PAQR8: variants seen among roughly 807,000 people sequenced by gnomAD.
The protein encoded by PAQR8 is membrane progestin receptor beta.
Under a neutral mutation model 25.2 loss-of-function variants are expected in PAQR8, and 17 were observed. That is an observed-to-expected ratio of 0.67 (90% CI 0.46 to 1.01). PAQR8 has a LOEUF of 1.01. Among genes scored for constraint, PAQR8 ranks in the 50% least tolerant of loss-of-function variants. PAQR8 has a pLI of 0.00. For synonymous variants in PAQR8, 204 were observed against 190.6 expected (o/e 1.07, Z -0.58); for missense variants, 392 against 448.4 (o/e 0.87, Z 1.14).
In PAQR8 at chr6:52,407,121, A is replaced by G. The variant is rs1326605047; in HGVS notation, c.*2843A>G. The G allele has an allele frequency of 6.0e-6, 1 of 166,970 alleles. No individual in the cohort carries two copies. The highest frequency in any genetic ancestry group is 6.5e-5 in the Admixed American group (1 of 15,282). The allele number at this position is 166,970 out of a possible 1,614,324, so 10.3% of individuals were successfully genotyped here. Reference sequence around the variant, plus strand: ...CTTATTCAACCATAGCCCCTCCAACATATCTACTGGAAATTCTGCTGGTTA... The same window carrying G: ...CTTATTCAACCATAGCCCCTCCAACGTATCTACTGGAAATTCTGCTGGTTA... On this transcript the variant is annotated 3_prime_UTR_variant, in exon 2 of 2. Transcript: ENST00000442253.
chr6:52,388,715 T>C (rs530359748), intron 1 of PAQR8, among the ~76,000 whole-genome samples: 56 of 152,256 alleles, frequency 3.7e-4, no homozygotes, highest in African/African-American at 1.3e-3. Context: ...AAAAATAGAT[T>C]TCTGTTGTTT....
Position 52,403,557 on chromosome 6 carries a change from T to G in PAQR8, c.344T>G (p.Phe115Cys). Residue 115 changes from phenylalanine to cysteine, a missense_variant, in exon 2 of 2, where the codon TTC (phenylalanine) becomes TGC (cysteine). Physicochemically the swap from Phe to Cys is radical, Grantham distance 205. Coordinates refer to ENST00000442253, the MANE Select transcript of PAQR8 (RefSeq NM_133367.5). Reference sequence around the variant, plus strand: ...ACCCACTCCCTGCCTCTGCTCCTCTTCATCCTGTCGTCAATCACTTACCTC... The same window carrying G: ...ACCCACTCCCTGCCTCTGCTCCTCTGCATCCTGTCGTCAATCACTTACCTC... ...ASTHSLPLLL[F>C]ILSSITYLTC... is the part of the protein sequence containing the mutation. The G allele has an allele frequency of 6.2e-7, 1 of 1,614,116 alleles. No individual in the cohort carries two copies. The highest frequency in any genetic ancestry group is 1.1e-5 in the South Asian group (1 of 91,082).
Position 52,391,034 on chromosome 6 carries a change from T to C in PAQR8, c.-52-12128T>C, listed in dbSNP as rs115156914. ...AGTATTTCCAGAAGAAAAGTAAAAT[T>C]CCCCACAATCCCTTCATGGCAATAG... is the stretch of plus-strand genomic sequence containing the variant. On this transcript the variant is annotated intron_variant, in intron 1 of 1. Transcript: ENST00000442253. 8.0e-3 allele frequency among the ~76,000 whole-genome samples: 1,211 copies of C among 152,318 alleles called. 20 individuals are homozygous for C. The highest frequency in any genetic ancestry group is 0.027 in the African/African-American group (1,137 of 41,568).
intron 1 of PAQR8, among the ~76,000 whole-genome samples, chr6:52,398,968 T>A (rs1763800299): frequency 6.6e-6 from 1 of 151,374 alleles, no homozygotes; most frequent in South Asian, 2.1e-4. Context: ...ATCCCTGGAC[T>A]CTCAGGTTCC....
rs188585416 is a variant in PAQR8, at chr6:52,365,907, A to C, written c.-53+3658A>C. Reference sequence around the variant, plus strand: ...TATAACAGTTTGGTGTGGTAAGGCAAATCTGAAAGAAAAAAGTTTAAAAGC... The same window carrying C: ...TATAACAGTTTGGTGTGGTAAGGCACATCTGAAAGAAAAAAGTTTAAAAGC... On this transcript the variant is annotated intron_variant, in intron 1 of 1. Coordinates refer to ENST00000442253, the MANE Select transcript of PAQR8 (RefSeq NM_133367.5). 7.7e-4 allele frequency among the ~76,000 whole-genome samples: 117 copies of C among 152,312 alleles called. 1 individual carries two copies. Among genetic ancestry groups the C allele is most frequent in the Non-Finnish European group, 1.3e-3 (89 of 68,032 alleles).
At chr6:52,367,852 T>G (rs1464532831) in intron 1 of PAQR8, among the ~76,000 whole-genome samples, 1 of 152,232 alleles carries the variant, frequency 6.6e-6, no homozygotes, top group Non-Finnish European at 1.5e-5. Context: ...CTGAAGGCTC[T>G]TCTCAGACCC....
chr6:52,392,578 C>T (rs1042017530), intron 1 of PAQR8, among the ~76,000 whole-genome samples: 1 of 152,132 alleles, frequency 6.6e-6, no homozygotes, highest in African/African-American at 2.4e-5. Context: ...TGGAGCTTTT[C>T]TTTAATTCCC....
chr6:52,379,096 CAAAAAAAAAAAA>C (rs70977347), intron 1 of PAQR8, among the ~76,000 whole-genome samples: 1 of 93,000 alleles, frequency 1.1e-5, no homozygotes, highest in Non-Finnish European at 2.2e-5. Context: ...TACTCTTTAT[CAAAAAAAAAAAA>C]AAAAAAAAAA....
chr6:52,370,066 T>G (rs1318652145), intron 1 of PAQR8, among the ~76,000 whole-genome samples: 2 of 148,914 alleles, frequency 1.3e-5, no homozygotes, highest in African/African-American at 5.0e-5. Flanking sequence ...ATTTCTTGGA[T>G]TGCATGGGTT....
At chr6:52,394,523 A>G (rs6934934) in intron 1 of PAQR8, among the ~76,000 whole-genome samples, 27,467 of 152,118 alleles carry the variant, frequency 0.18, 2,709 homozygotes, top group Non-Finnish European at 0.22. Flanking sequence ...TTCCAAGGCT[A>G]GTGATAGGTG....
intron 1 of PAQR8, among the ~76,000 whole-genome samples, chr6:52,393,164 T>A (rs1303326209): frequency 6.6e-6 from 1 of 152,128 alleles, no homozygotes; most frequent in Non-Finnish European, 1.5e-5. Context: ...TTATGTAATC[T>A]CTCTGTAACT....
Position 52,403,142 on chromosome 6 carries a change from T to A in PAQR8, c.-52-20T>A. On this transcript the variant is annotated intron_variant, in intron 1 of 1. Coordinates refer to ENST00000442253, the MANE Select transcript of PAQR8 (RefSeq NM_133367.5). ...TCGTGTCTCACTGCGGCTTTGCCAA[T>A]TTTCCTTTCTTTTCTGCAGGTTGCA... The A allele has an allele frequency of 7.3e-7, 1 of 1,362,152 alleles. No homozygotes were observed. Among genetic ancestry groups the A allele is most frequent in the Non-Finnish European group, 9.9e-7 (1 of 1,010,172 alleles). 84.4% of individuals were successfully genotyped at this position (1,362,152 alleles called of 1,614,324 possible). A position where few individuals can be genotyped will look rare whatever the true frequency, so the allele number is the denominator to read the frequency against.
intron 1 of PAQR8, among the ~76,000 whole-genome samples, chr6:52,380,390 T>C (rs896829603): frequency 6.6e-6 from 1 of 152,230 alleles, no homozygotes; most frequent in African/African-American, 2.4e-5. Flanking sequence ...GCTGTGGACG[T>C]GGACATTTCA....
chr6:52,380,749 C>G (rs1001894833), intron 1 of PAQR8, among the ~76,000 whole-genome samples: 2 of 152,202 alleles, frequency 1.3e-5, no homozygotes, highest in African/African-American at 4.8e-5. Context: ...ATCCTTACTT[C>G]ATGTATTCTT....
At chr6:52,392,871 T>G (rs1419089467) in intron 1 of PAQR8, among the ~76,000 whole-genome samples, 1 of 152,252 alleles carries the variant, frequency 6.6e-6, no homozygotes, top group Non-Finnish European at 1.5e-5. Flanking sequence ...AGTCACATTT[T>G]ATTCTCTTAG....
chr6:52,376,145 GTA>G (rs761121948), intron 1 of PAQR8, among the ~76,000 whole-genome samples: 1 of 152,180 alleles, frequency 6.6e-6, no homozygotes, highest in Non-Finnish European at 1.5e-5. Context: ...AATTTGGAGA[GTA>G]TTAAGATAAT....
At position 52,404,015 on chromosome 6, in the gene PAQR8, G is replaced by A. The variant is rs754566841; in HGVS notation, c.802G>A (p.Glu268Lys). The change falls in exon 2 of 2, where the codon GAG (glutamate) becomes AAG (lysine). Residue 268 changes from glutamate to lysine, a missense_variant. Transcript: ENST00000442253. Reference protein sequence around the residue: ...SAYFFSCPVPEKYFPGSCDIV... With the variant: ...SAYFFSCPVPKKYFPGSCDIV... Reference sequence around the variant, plus strand: ...TTATTTCTTCTCCTGCCCCGTGCCTGAGAAGTACTTCCCGGGTTCCTGTGA... The same window carrying A: ...TTATTTCTTCTCCTGCCCCGTGCCTAAGAAGTACTTCCCGGGTTCCTGTGA... The A allele has an allele frequency of 3.1e-6, 5 of 1,614,182 alleles. No individual in the cohort carries two copies. In the East Asian group the frequency reaches 1.1e-4, roughly 36 times the overall value.
At chr6:52,390,533 T>G (rs1014350551) in intron 1 of PAQR8, among the ~76,000 whole-genome samples, 1 of 151,318 alleles carries the variant, frequency 6.6e-6, no homozygotes, top group Admixed American at 6.6e-5. Context: ...TGTACCTTAC[T>G]TTTTTTTTAT....
intron 1 of PAQR8, among the ~76,000 whole-genome samples, chr6:52,365,525 C>A (rs1763342101): frequency 6.6e-6 from 1 of 152,024 alleles, no homozygotes; most frequent in East Asian, 1.9e-4. Context: ...CGGTGCCGGA[C>A]ACATCATGAG....
Sources: allele counts gnomAD v4.1 joint callset (sites outside exome capture counted in the v4.1 genomes callset), GRCh38; gene constraint gnomAD v4.1.1; transcripts MANE v1.5; gene names NCBI Gene and HGNC (gene_info 2026-07-23, HGNC 2026-07-21).